Variants in ZCCHC7 observed in about 807,000 individuals in gnomAD.
The protein encoded by ZCCHC7 is zinc finger CCHC domain-containing protein 7.
In ZCCHC7, 35 loss-of-function variants were observed where a neutral mutation model predicts 52.0. The observed-to-expected ratio is 0.67, with a 90% confidence interval of 0.51 to 0.89. ZCCHC7 has a LOEUF of 0.89. ZCCHC7 is among the 40% of genes least tolerant of loss of function. The probability of loss-of-function intolerance (pLI) is 0.00; values close to 1 mark genes in which losing one functional copy is unlikely to be tolerated. For missense variants in ZCCHC7, 574 were observed against 649.1 expected (o/e 0.88, Z 1.26); for synonymous variants, 217 against 221.5 (o/e 0.98, Z 0.18).
rs987786807 is a variant in ZCCHC7, at chr9:37,273,419, C to T, written c.611-28769C>T. Among the ~76,000 whole-genome samples the T allele has an allele frequency of 5.9e-5, 9 of 152,140 alleles. 1 individual carries two copies. The highest frequency in any genetic ancestry group is 4.1e-4 in the South Asian group (2 of 4,828). On this transcript the variant is annotated intron_variant, in intron 2 of 8. Coordinates refer to ENST00000336755, the MANE Select transcript of ZCCHC7 (RefSeq NM_032226.3). Reference sequence around the variant, plus strand: ...TCAGGAGGCCGAGGCAGGAGAATGGCGTGAACCTGGGAGGTGGAGCTTGCA... The same window carrying T: ...TCAGGAGGCCGAGGCAGGAGAATGGTGTGAACCTGGGAGGTGGAGCTTGCA...
chr9:37,142,812 A>G (rs1843285636), intron 2 of ZCCHC7, among the ~76,000 whole-genome samples: 1 of 151,812 alleles, frequency 6.6e-6, no homozygotes, highest in South Asian at 2.1e-4. Flanking sequence ...AATAACCTAA[A>G]ATATATTTCT....
At chr9:37,331,102 C>T (rs1830432950) in intron 6 of ZCCHC7, among the ~76,000 whole-genome samples, 1 of 151,726 alleles carries the variant, frequency 6.6e-6, no homozygotes, top group Non-Finnish European at 1.5e-5. Context: ...TTTATTTTAA[C>T]TGAAGGTTTA....
rs186009734 is a variant in ZCCHC7 at position 37,336,666 on chromosome 9, G to A, written c.987+8832G>A. 6.4e-4 allele frequency among the ~76,000 whole-genome samples: 97 copies of A among 152,210 alleles called. 1 individual carries two copies. Among genetic ancestry groups the A allele is most frequent in the Admixed American group, 2.6e-3 (40 of 15,282 alleles). ...CATGTACAATCACATGCAAAATATA[G>A]TAGCAGATTTGAATATGTTAAGCAT... On this transcript the variant is annotated intron_variant, in intron 6 of 8. Transcript: ENST00000336755.
intron 2 of ZCCHC7, among the ~76,000 whole-genome samples, chr9:37,247,021 T>C (rs1342615715): frequency 6.6e-5 from 10 of 152,164 alleles, no homozygotes; most frequent in Admixed American, 6.5e-4. Flanking sequence ...ACAACAGATA[T>C]CTTTAACTTA....
chr9:37,337,584 T>C (rs2118411584), intron 6 of ZCCHC7, among the ~76,000 whole-genome samples: 1 of 152,242 alleles, frequency 6.6e-6, no homozygotes, highest in South Asian at 2.1e-4. Context: ...AAGAAGAAGC[T>C]GGCATGAAAA....
chr9:37,130,149 G>A (rs776007052), intron 2 of ZCCHC7, among the ~76,000 whole-genome samples: 8 of 150,562 alleles, frequency 5.3e-5, no homozygotes, highest in Non-Finnish European at 1.0e-4. Context: ...TAAGGCAGGA[G>A]AATTGCTTGA....
At chr9:37,230,238 A>G (rs1404544635) in intron 2 of ZCCHC7, among the ~76,000 whole-genome samples, 1 of 152,248 alleles carries the variant, frequency 6.6e-6, no homozygotes, top group Middle Eastern at 3.2e-3. Context: ...TTTATTATCA[A>G]GTATTATGTA....
At chr9:37,175,558 G>A (rs79177549) in intron 2 of ZCCHC7, among the ~76,000 whole-genome samples, 7,714 of 151,978 alleles carry the variant, frequency 0.051, 646 homozygotes, top group African/African-American at 0.17. Context: ...CCCGCACACC[G>A]CAGCCCATCT....
chr9:37,347,637 G>T (rs1821075857), intron 6 of ZCCHC7, among the ~76,000 whole-genome samples: 1 of 149,752 alleles, frequency 6.7e-6, no homozygotes, highest in African/African-American at 2.4e-5. Flanking sequence ...TGGCTTTAAA[G>T]AAAAAAAAAA....
intron 6 of ZCCHC7, among the ~76,000 whole-genome samples, chr9:37,334,280 A>G (rs1013708838): frequency 2.0e-5 from 3 of 151,968 alleles, no homozygotes; most frequent in Non-Finnish European, 4.4e-5. Context: ...AAAATATACT[A>G]GAGCATTGAT....
intron 2 of ZCCHC7, among the ~76,000 whole-genome samples, chr9:37,218,460 C>A (rs1456732685): frequency 6.6e-6 from 1 of 152,076 alleles, no homozygotes; most frequent in African/African-American, 2.4e-5. Flanking sequence ...TAAATTCATT[C>A]CCCCCTGTGT....
At chr9:37,148,151 T>TA (rs1843524140) in intron 2 of ZCCHC7, among the ~76,000 whole-genome samples, 1 of 152,144 alleles carries the variant, frequency 6.6e-6, no homozygotes, top group African/African-American at 2.4e-5. Flanking sequence ...AAGGCATAGA[T>TA]AATCAGAGAC....
rs929016054 is a variant in ZCCHC7, at chr9:37,354,593, C to A, written c.1084-117C>A. The A allele has an allele frequency of 1.5e-6, 1 of 683,702 alleles. No individual in the cohort carries two copies. Among genetic ancestry groups the A allele is most frequent in the African/African-American group, 1.8e-5 (1 of 55,750 alleles). The allele number at this position is 683,702 out of a possible 1,614,324, so 42.4% of individuals were successfully genotyped here. The stretch of plus-strand genomic sequence containing the variant: ...CAGCAAGGACCATATCCTACAGCCA[C>A]CACATGAGGTACCAGTGACATGGGG... On this transcript the variant is annotated intron_variant, in intron 7 of 8. Transcript: ENST00000336755. This position sits in a 1 kb window ranked among gnomAD's most constrained non-coding sequence, Gnocchi z 4.0.
chr9:37,187,364 G>A (rs1044152233), intron 2 of ZCCHC7, among the ~76,000 whole-genome samples: 1 of 152,188 alleles, frequency 6.6e-6, no homozygotes, highest in African/African-American at 2.4e-5. Flanking sequence ...TAGATCCCTC[G>A]CATGTGCAGT....
intron 2 of ZCCHC7, among the ~76,000 whole-genome samples, chr9:37,211,720 C>A (rs1824225124): frequency 6.6e-6 from 1 of 152,078 alleles, no homozygotes; most frequent in Admixed American, 6.5e-5. Flanking sequence ...AACATTAAGT[C>A]ATTTCGCTTA....
chr9:37,214,536 G>C (rs73448470), intron 2 of ZCCHC7, among the ~76,000 whole-genome samples: 1 of 151,896 alleles, frequency 6.6e-6, no homozygotes, highest in Non-Finnish European at 1.5e-5. Flanking sequence ...TGTTTCTGTC[G>C]TGTTGTTTCT....
At chr9:37,290,427 G>A (rs563549271) in intron 2 of ZCCHC7, among the ~76,000 whole-genome samples, 21 of 152,214 alleles carry the variant, frequency 1.4e-4, no homozygotes, top group African/African-American at 4.1e-4. Context: ...AGACCAAGGC[G>A]GGTGAATCAC....
Position 37,354,780 on chromosome 9 carries a change from A to G in ZCCHC7, c.1154A>G (p.Tyr385Cys), listed in dbSNP as rs1564275723. 2 of 1,613,396 alleles carry G rather than the reference A, an allele frequency of 1.2e-6. No homozygotes were observed. Among genetic ancestry groups the G allele is most frequent in the South Asian group, 2.2e-5 (2 of 91,058 alleles). ...TTCATCTGCTACTATGATGACAAATATGAAATTCAGGAGAGAGAAAAGAGA... is the reference window on the plus strand; with the variant it reads ...TTCATCTGCTACTATGATGACAAATGTGAAATTCAGGAGAGAGAAAAGAGA... ...SPFICYYDDK[Y>C]EIQEREKRLK... The change falls in exon 8 of 9, where the codon TAT (tyrosine) becomes TGT (cysteine). Residue 385 changes from tyrosine (Y) to cysteine (C), a missense_variant. Coordinates refer to ENST00000336755, the MANE Select transcript of ZCCHC7 (RefSeq NM_032226.3). This position sits in a 1 kb window ranked among gnomAD's most constrained non-coding sequence, Gnocchi z 4.0.
chr9:37,143,784 C>T (rs1459754935), intron 2 of ZCCHC7, among the ~76,000 whole-genome samples: 1 of 151,370 alleles, frequency 6.6e-6, no homozygotes, highest in African/African-American at 2.4e-5. Context: ...GAAAAGAGTG[C>T]CTCGAGGCTG....
Sources: gnomAD v4.1 joint callset for allele counts (sites outside exome capture counted in the v4.1 genomes callset) on GRCh38, gnomAD v4.1.1 for gene constraint, Gnocchi (gnomAD v3.1) non-coding constraint, MANE v1.5 for transcripts, NCBI Gene and HGNC (gene_info 2026-07-23, HGNC 2026-07-21) for gene names.